The following OXR1 variants were observed in gnomAD, a reference collection of about 807,000 sequenced individuals.
The protein encoded by OXR1 is oxidation resistance protein 1.
A neutral mutation model predicts 104.6 loss-of-function variants in OXR1; 41 were observed. That is an observed-to-expected ratio of 0.39 (90% CI 0.31 to 0.51). The LOEUF is 0.51. OXR1 is among the 20% of genes least tolerant of loss of function. The probability of loss-of-function intolerance (pLI) is 0.77; values close to 1 mark genes in which losing one functional copy is unlikely to be tolerated. For synonymous variants in OXR1, 348 were observed against 348.4 expected, an observed-to-expected ratio of 1.00 and a Z score of 0.01; for missense variants, 955 against 1,031.9, an observed-to-expected ratio of 0.93 and a Z score of 1.02.
At chr8:106,387,003 A>G (rs1049484247) in intron 2 of OXR1, among the ~76,000 whole-genome samples, 3 of 152,352 alleles carry the variant, frequency 2.0e-5, no homozygotes, top group Non-Finnish European at 2.9e-5. Context: ...TAAGCCAGCA[A>G]TGGCAAATAA....
chr8:106,659,730 C>T (rs977381290), intron 3 of OXR1, among the ~76,000 whole-genome samples: 1 of 152,156 alleles, frequency 6.6e-6, no homozygotes, highest in Admixed American at 6.5e-5. Flanking sequence ...TGGCCCGTGT[C>T]TGTAGTTCCA....
chr8:106,694,881 T>C (rs1829788036), intron 7 of OXR1, among the ~76,000 whole-genome samples: 1 of 134,416 alleles, frequency 7.4e-6, no homozygotes, highest in Admixed American at 8.1e-5. Context: ...ATAATATATA[T>C]ATTTAATAGA....
At chr8:106,624,240 C>T (rs927623956) in intron 3 of OXR1, among the ~76,000 whole-genome samples, 3 of 152,060 alleles carry the variant, frequency 2.0e-5, no homozygotes, top group East Asian at 1.9e-4. Flanking sequence ...GGCATAGTGC[C>T]CTTGTATGGT....
intron 1 of OXR1, among the ~76,000 whole-genome samples, chr8:106,353,306 G>A (rs1342105064): frequency 6.6e-6 from 1 of 151,976 alleles, no homozygotes; most frequent in African/African-American, 2.4e-5. Context: ...TCGAGATCAC[G>A]CCACTGTACT....
At chr8:106,335,974 T>C (rs1223328111) in intron 1 of OXR1, among the ~76,000 whole-genome samples, 10 of 152,048 alleles carry the variant, frequency 6.6e-5, no homozygotes. Context: ...TGGTTGCCCA[T>C]AAGCCCAGCT....
chr8:106,293,722 A>G (rs570512478), intron 1 of OXR1, among the ~76,000 whole-genome samples: 3 of 152,302 alleles, frequency 2.0e-5, no homozygotes, highest in South Asian at 2.1e-4. Flanking sequence ...CAGAAGGGCA[A>G]GAGAGGGACA....
intron 1 of OXR1, among the ~76,000 whole-genome samples, chr8:106,323,234 C>T (rs908892220): frequency 6.6e-6 from 1 of 152,294 alleles, no homozygotes; most frequent in Admixed American, 6.5e-5. Context: ...GAAGTCTGCA[C>T]ATCTACGACC....
intron 2 of OXR1, among the ~76,000 whole-genome samples, chr8:106,494,790 G>A (rs1016154521): frequency 7.9e-5 from 12 of 152,190 alleles, no homozygotes; most frequent in Admixed American, 5.9e-4. Context: ...GTCTGTGGAC[G>A]AGGTGATTCT....
In OXR1 at chr8:106,750,973, G is replaced by A. The variant is rs768878559; in HGVS notation, c.*32G>A. 1.9e-5 allele frequency: 30 copies of A among 1,546,746 alleles called. No homozygotes were observed. Among genetic ancestry groups the A allele is most frequent in the Middle Eastern group, 2.4e-4 (1 of 4,202 alleles). ...TGCTCTCTGTCTTAGCAGGAGAATG[G>A]CCCAAACCTGACATGGACAAGCATT... On this transcript the variant is annotated 3_prime_UTR_variant, in exon 17 of 17. Coordinates refer to ENST00000517566, the MANE Select transcript of OXR1 (RefSeq NM_001198533.2).
intron 1 of OXR1, among the ~76,000 whole-genome samples, chr8:106,323,871 C>T (rs546516743): frequency 1.2e-4 from 18 of 152,102 alleles, no homozygotes; most frequent in East Asian, 1.9e-4. Context: ...TAGATGCTGG[C>T]GAGGTTGTGG....
chr8:106,587,200 G>GA (rs1025226087), intron 3 of OXR1, among the ~76,000 whole-genome samples: 4 of 152,164 alleles, frequency 2.6e-5, no homozygotes, highest in Non-Finnish European at 4.4e-5. Flanking sequence ...AAGCATCTGA[G>GA]AAGGTTGAGT....
chr8:106,526,757 A>G (rs1813713002), intron 3 of OXR1, among the ~76,000 whole-genome samples: 2 of 152,108 alleles, frequency 1.3e-5, no homozygotes, highest in East Asian at 1.9e-4. Context: ...GTTAGCCAGG[A>G]TGGTCTCTAT....
At chr8:106,720,923 T>A (rs1204424784) in intron 11 of OXR1, among the ~76,000 whole-genome samples, 2 of 152,228 alleles carry the variant, frequency 1.3e-5, no homozygotes, top group African/African-American at 4.8e-5. Context: ...TTTGTTGTAA[T>A]ATAAAGATGA....
At chr8:106,420,294 A>G (rs1201104316) in intron 2 of OXR1, among the ~76,000 whole-genome samples, 1 of 151,990 alleles carries the variant, frequency 6.6e-6, no homozygotes, top group Non-Finnish European at 1.5e-5. Flanking sequence ...TTTAGTTGGA[A>G]GTACTGAAGA....
intron 3 of OXR1, chr8:106,657,968 C>T (rs1586983963): frequency 8.0e-7 from 1 of 1,248,418 alleles, no homozygotes; most frequent in Non-Finnish European, 1.0e-6. Flanking sequence ...CCCAGTTCCG[C>T]GTCCAGCCCC....
intron 3 of OXR1, among the ~76,000 whole-genome samples, chr8:106,616,349 C>G (rs1457947012): frequency 2.7e-5 from 4 of 150,856 alleles, no homozygotes; most frequent in African/African-American, 4.9e-5. Flanking sequence ...GTGTGAGCCA[C>G]CGCGCCCAGC....
intron 1 of OXR1, among the ~76,000 whole-genome samples, chr8:106,315,353 A>G (rs75141492): frequency 0.089 from 13,485 of 152,180 alleles, 696 homozygotes; most frequent in African/African-American, 0.13. Flanking sequence ...TATTTCAGTA[A>G]TATTTAAAAT....
intron 3 of OXR1, among the ~76,000 whole-genome samples, chr8:106,652,685 G>GC (rs1440667606): frequency 2.0e-5 from 3 of 148,920 alleles, no homozygotes; most frequent in Non-Finnish European, 3.0e-5. Flanking sequence ...CTAACCTTCT[G>GC]CCTTATGAAA....
chr8:106,419,848 G>A (rs746295236), intron 2 of OXR1, among the ~76,000 whole-genome samples: 24 of 152,046 alleles, frequency 1.6e-4, no homozygotes, highest in Admixed American at 3.3e-4. Context: ...ATCAACATGC[G>A]AATTGGACTC....
Sources: gnomAD v4.1 joint callset for allele counts (sites outside exome capture counted in the v4.1 genomes callset) on GRCh38, gnomAD v4.1.1 for gene constraint, MANE v1.5 for transcripts, NCBI Gene and HGNC (gene_info 2026-07-23, HGNC 2026-07-21) for gene names.